Variants in FBXW7 observed in about 807,000 individuals in gnomAD.
FBXW7 encodes F-box/WD repeat-containing protein 7.
In FBXW7, 11 loss-of-function variants were observed where a neutral mutation model predicts 86.3. The ratio of observed to expected loss-of-function variants is 0.13; its 90% CI spans 0.08 to 0.21. FBXW7 has a LOEUF of 0.21. Among genes scored for constraint, FBXW7 ranks in the 10% least tolerant of loss-of-function variants. The pLI, the probability that FBXW7 is intolerant of heterozygous loss-of-function variation, is 1.00. For synonymous variants in FBXW7, 313 were observed against 297.9 expected, an observed-to-expected ratio of 1.05 and a Z score of -0.52; for missense variants, 488 against 847.4, an observed-to-expected ratio of 0.58 and a Z score of 5.27.
intron 2 of FBXW7, among the ~76,000 whole-genome samples, chr4:152,505,388 G>A (rs1381164554): frequency 6.6e-6 from 1 of 151,852 alleles, no homozygotes; most frequent in East Asian, 1.9e-4. Flanking sequence ...TTACTATAAC[G>A]TTTTTACTTT....
intron 7 of FBXW7, among the ~76,000 whole-genome samples, chr4:152,335,944 G>A (rs918170539): frequency 2.0e-5 from 3 of 152,126 alleles, no homozygotes; most frequent in Non-Finnish European, 4.4e-5. Flanking sequence ...CAAGCTTTTT[G>A]AGATTAATAA....
chr4:152,347,250 A>G (rs941708084), intron 5 of FBXW7, among the ~76,000 whole-genome samples, 179 bp from the exon 6 acceptor site: 2 of 152,176 alleles, frequency 1.3e-5, no homozygotes, highest in African/African-American at 4.8e-5. Context: ...CCTATTTGCT[A>G]TTCTTACAGT....
chr4:152,375,245 A>C (rs940353806), intron 4 of FBXW7, among the ~76,000 whole-genome samples: 2 of 152,130 alleles, frequency 1.3e-5, no homozygotes, highest in African/African-American at 4.8e-5. Context: ...TAATAGCTAT[A>C]TACTTTGGGA....
chr4:152,531,546 C>T (rs1473079152), intron 2 of FBXW7, among the ~76,000 whole-genome samples: 1 of 144,922 alleles, frequency 6.9e-6, no homozygotes, highest in East Asian at 2.0e-4. Flanking sequence ...TGCCAAGTTG[C>T]TTTTTTTTAA....
intron 4 of FBXW7, among the ~76,000 whole-genome samples, chr4:152,354,733 TGTGA>T (rs983113276): frequency 1.3e-5 from 2 of 152,144 alleles, no homozygotes; most frequent in Non-Finnish European, 2.9e-5. Flanking sequence ...TACTTAGGGC[TGTGA>T]GTTACAGGAA....
At chr4:152,347,224 T>C (rs892908951) in intron 5 of FBXW7, among the ~76,000 whole-genome samples, 153 bp from the exon 6 acceptor site, 14 of 152,150 alleles carry the variant, frequency 9.2e-5, no homozygotes, top group African/African-American at 3.1e-4. Flanking sequence ...TTCCCAGAGA[T>C]CACAGGTACA....
intron 11 of FBXW7, among the ~76,000 whole-genome samples, chr4:152,327,137 A>T (rs906541101): frequency 6.6e-6 from 1 of 152,052 alleles, no homozygotes; most frequent in African/African-American, 2.4e-5. Context: ...AAAAAAGTAG[A>T]TAATTAAAGG....
At chr4:152,326,720 C>T (rs1729056809) in intron 11 of FBXW7, among the ~76,000 whole-genome samples, 2 of 151,984 alleles carry the variant, frequency 1.3e-5, no homozygotes, top group South Asian at 4.2e-4. Context: ...TGCATATATT[C>T]CCTTGTGATT....
Position 152,326,184 on chromosome 4 carries a change from T to G in FBXW7, c.1466A>C (p.Glu489Ala). 1 of 1,613,176 alleles carries G rather than the reference T, an allele frequency of 6.2e-7. No individual in the cohort carries two copies. The change falls in exon 12 of 14, where the codon GAG becomes GCG. Residue 489 changes from glutamate (E) to alanine (A), a missense_variant. Transcript: ENST00000281708. ...RDATLRVWDI[E>A]TGQCLHVLMG... ...CAAAACATGTAAACACTGGCCTGTC[T>G]CAATATCCCAAACCCTAAGAGTGGC...
intron 4 of FBXW7, among the ~76,000 whole-genome samples, chr4:152,373,357 T>C (rs186717761): frequency 1.6e-3 from 238 of 152,152 alleles, no homozygotes; most frequent in Non-Finnish European, 2.7e-3. Context: ...CCTATTTTAC[T>C]GTCATCAAAA....
chr4:152,426,829 G>A (rs1005079990), intron 2 of FBXW7, among the ~76,000 whole-genome samples: 3 of 152,152 alleles, frequency 2.0e-5, no homozygotes, highest in African/African-American at 7.2e-5. Context: ...AGAAACTGTG[G>A]GAGTGAAATA....
At chr4:152,390,844 GTAAT>G (rs558073717) in intron 4 of FBXW7, among the ~76,000 whole-genome samples, 139 of 151,874 alleles carry the variant, frequency 9.2e-4, no homozygotes, top group African/African-American at 3.1e-3. Flanking sequence ...AATACAGTAA[GTAAT>G]TGTGTGTTTT....
At chr4:152,431,671 C>G (rs1173278128) in intron 2 of FBXW7, among the ~76,000 whole-genome samples, 3 of 151,986 alleles carry the variant, frequency 2.0e-5, no homozygotes, top group Non-Finnish European at 2.9e-5. Context: ...ATGAAACCTC[C>G]CAGGAACCCA....
intron 2 of FBXW7, among the ~76,000 whole-genome samples, chr4:152,428,058 T>C (rs1739540410): frequency 6.6e-6 from 1 of 152,150 alleles, no homozygotes; most frequent in Admixed American, 6.5e-5. Context: ...CCCTTTCCCA[T>C]GGAACCTTGG....
rs561849069 is a variant in FBXW7 at position 152,342,694 on chromosome 4, A to G, written c.726+4236T>C. ...AACAGTTCCAGGATTCGAGTAACTT[A>G]TTATCTCCCATTCTACTGTGGACCA... is the stretch of plus-strand genomic sequence containing the variant. On this transcript the variant is annotated intron_variant, in intron 6 of 13. Transcript: ENST00000281708. 1.2e-4 allele frequency among the ~76,000 whole-genome samples: 18 copies of G among 152,296 alleles called. No individual in the cohort carries two copies. In the South Asian group the frequency reaches 3.5e-3, roughly 30 times the overall value.
At chr4:152,356,933 A>C (rs1258522714) in intron 4 of FBXW7, among the ~76,000 whole-genome samples, 1 of 152,194 alleles carries the variant, frequency 6.6e-6, no homozygotes, top group Non-Finnish European at 1.5e-5. Context: ...ACATCAATTG[A>C]AACTTTGTTC....
In FBXW7 at chr4:152,535,335, C is replaced by T; in HGVS notation, c.-421G>A. ...GGAGGGGGGCTCTAGGAACTCCTCC[C>T]GGAGTCCAGCCAAGGAGCCGGGGGG... On this transcript the variant is annotated 5_prime_UTR_variant, in exon 1 of 14. Coordinates refer to ENST00000281708, the MANE Select transcript of FBXW7 (RefSeq NM_001349798.2). The T allele has an allele frequency of 5.7e-6, 2 of 353,518 alleles. No individual in the cohort carries two copies. The highest frequency in any genetic ancestry group is 1.0e-5 in the Non-Finnish European group (2 of 197,628). The allele number at this position is 353,518 out of a possible 1,614,324, so 21.9% of individuals were successfully genotyped here. A position where few individuals can be genotyped will look rare whatever the true frequency, so the allele number is the denominator to read the frequency against.
intron 4 of FBXW7, among the ~76,000 whole-genome samples, chr4:152,373,138 T>G (rs1402951125): frequency 1.3e-5 from 2 of 152,032 alleles, no homozygotes; most frequent in Non-Finnish European, 2.9e-5. Context: ...GATGCTGGAA[T>G]AAGACTGCTT....
At chr4:152,374,266 T>C (rs1734277568) in intron 4 of FBXW7, among the ~76,000 whole-genome samples, 2 of 152,030 alleles carry the variant, frequency 1.3e-5, no homozygotes, top group South Asian at 4.2e-4. Context: ...GTACTGTATT[T>C]TTTTTCTCTA....
Sources: gnomAD v4.1 joint callset for allele counts (sites outside exome capture counted in the v4.1 genomes callset) on GRCh38, gnomAD v4.1.1 for gene constraint, MANE v1.5 for transcripts, NCBI Gene and HGNC (gene_info 2026-07-23, HGNC 2026-07-21) for gene names.